The following AOPEP variants were observed in gnomAD, a reference collection of about 807,000 sequenced individuals.
AOPEP encodes aminopeptidase O (putative).
In AOPEP, 77 loss-of-function variants were observed where a neutral mutation model predicts 98.1. That is an observed-to-expected ratio of 0.78 (90% CI 0.65 to 0.95). The LOEUF is 0.95. AOPEP is among the 40% of genes least tolerant of loss of function. The pLI is 0.00. For missense variants in AOPEP, 1,024 were observed against 1,024.7 expected (o/e 1.00, Z 0.01); for synonymous variants, 346 against 365.3 (o/e 0.95, Z 0.60).
At chr9:94,996,790 G>A (rs904096985) in intron 11 of AOPEP, among the ~76,000 whole-genome samples, 1 of 152,202 alleles carries the variant, frequency 6.6e-6, no homozygotes, top group Non-Finnish European at 1.5e-5. Flanking sequence ...CAATATATGT[G>A]TGTGTGTTTT....
intron 7 of AOPEP, among the ~76,000 whole-genome samples, chr9:94,939,249 G>GAAA (rs34773746): frequency 8.1e-6 from 1 of 123,476 alleles, no homozygotes; most frequent in East Asian, 2.5e-4. Context: ...CTTCGTGTCA[G>GAAA]AAAAAAAAAA....
chr9:95,131,930 G>A, the AOPEP span, among the ~76,000 whole-genome samples: 20 of 152,208 alleles, frequency 1.3e-4, no homozygotes, highest in African/African-American at 4.8e-4. Flanking sequence ...CCATATTGAG[G>A]AGGATACTGA....
At chr9:94,752,432 A>G (rs1836033521) in intron 1 of AOPEP, among the ~76,000 whole-genome samples, 1 of 152,190 alleles carries the variant, frequency 6.6e-6, no homozygotes, top group Admixed American at 6.6e-5. Flanking sequence ...GTATCAGTAA[A>G]TGCATGCTAA....
At chr9:95,004,978 G>C (rs2061856981) in intron 11 of AOPEP, 180 bp from the exon 12 acceptor site, 1 of 149,764 alleles carries the variant, frequency 6.7e-6, no homozygotes, top group South Asian at 2.0e-4. Flanking sequence ...CCCGCCGCCC[G>C]CGCCGCGCCT....
the AOPEP span, among the ~76,000 whole-genome samples, chr9:95,108,766 G>A: frequency 9.2e-5 from 14 of 152,020 alleles, no homozygotes; most frequent in South Asian, 1.9e-3. Flanking sequence ...TTAATAATTC[G>A]GTTTATATAC....
At chr9:94,933,435 G>A (rs902659238) in intron 7 of AOPEP, 3 of 985,438 alleles carry the variant, frequency 3.0e-6, no homozygotes, top group Non-Finnish European at 2.4e-6. Flanking sequence ...TCAAGCTCCT[G>A]CTGAGGAAAA....
the AOPEP span, chr9:95,123,701 G>A: frequency 2.0e-5 from 14 of 683,538 alleles, no homozygotes; most frequent in South Asian, 1.6e-4. Context: ...CGTCTTTGAT[G>A]CCTATGTGCT....
intron 5 of AOPEP, chr9:94,809,825 T>C (rs1053984878): frequency 6.5e-6 from 1 of 154,058 alleles, no homozygotes; most frequent in Non-Finnish European, 1.5e-5. Context: ...GAAAGTAAAT[T>C]CTGTCACTTT....
At chr9:94,943,045 C>T (rs989090474) in intron 7 of AOPEP, among the ~76,000 whole-genome samples, 5 of 151,948 alleles carry the variant, frequency 3.3e-5, no homozygotes, top group Non-Finnish European at 7.4e-5. Flanking sequence ...TCTTCATGAT[C>T]TTGCATTAGG....
chr9:94,733,257 C>T (rs1398422102), intron 1 of AOPEP, among the ~76,000 whole-genome samples: 2 of 151,944 alleles, frequency 1.3e-5, no homozygotes. Context: ...CAGGTGCGCA[C>T]CACCATGCTC....
At chr9:94,748,390 T>C (rs7027708) in intron 1 of AOPEP, among the ~76,000 whole-genome samples, 63,947 of 152,026 alleles carry the variant, frequency 0.42, 13,807 homozygotes, top group East Asian at 0.51. Context: ...TGAAGCTTTA[T>C]ATCTCTCACC....
intron 1 of AOPEP, among the ~76,000 whole-genome samples, chr9:94,737,111 A>T (rs1240756401): frequency 9.5e-6 from 1 of 105,146 alleles, no homozygotes; most frequent in Non-Finnish European, 2.7e-5. Flanking sequence ...AAACATGGAG[A>T]TTTTTTTTAA....
chr9:95,128,629 A>C, the AOPEP span, among the ~76,000 whole-genome samples: 24 of 152,174 alleles, frequency 1.6e-4, no homozygotes, highest in African/African-American at 5.8e-4. Context: ...GTTAGAAGAG[A>C]GTGAGAGCTT....
intron 5 of AOPEP, among the ~76,000 whole-genome samples, chr9:94,921,647 T>C (rs779878420): frequency 2.0e-5 from 3 of 152,140 alleles, no homozygotes; most frequent in Non-Finnish European, 4.4e-5. Flanking sequence ...CCTTACTCCA[T>C]GTTTTTGGTT....
At chr9:95,077,060 G>C (rs577142387) in intron 14 of AOPEP, among the ~76,000 whole-genome samples, 30 of 152,284 alleles carry the variant, frequency 2.0e-4, no homozygotes, top group Admixed American at 1.7e-3. Context: ...GGGGAGGAGA[G>C]GGGGAGGGGA....
chr9:95,070,816 G>A (rs2068427541), intron 14 of AOPEP, among the ~76,000 whole-genome samples: 1 of 152,254 alleles, frequency 6.6e-6, no homozygotes, highest in Non-Finnish European at 1.5e-5. Flanking sequence ...GGCTGCAGAG[G>A]TGAACTAGGA....
intron 13 of AOPEP, among the ~76,000 whole-genome samples, chr9:95,044,593 G>T (rs1255922208): frequency 1.3e-5 from 2 of 152,208 alleles, no homozygotes; most frequent in Non-Finnish European, 2.9e-5. Context: ...TGAAAAACGT[G>T]ACCCCTTGAA....
At chr9:95,131,779 A>C in the AOPEP span, among the ~76,000 whole-genome samples, 3 of 152,202 alleles carry the variant, frequency 2.0e-5, no homozygotes, top group Non-Finnish European at 4.4e-5. Flanking sequence ...AATATCACCC[A>C]GGATGTAGAG....
At chr9:95,066,833 A>G (rs2067948334) in intron 14 of AOPEP, among the ~76,000 whole-genome samples, 1 of 152,168 alleles carries the variant, frequency 6.6e-6, no homozygotes, top group African/African-American at 2.4e-5. Context: ...TGTGTGTCCA[A>G]AGGCTTCTCG....
Sources: allele counts gnomAD v4.1 joint callset (sites outside exome capture counted in the v4.1 genomes callset), GRCh38; gene constraint gnomAD v4.1.1; transcripts MANE v1.5; gene names NCBI Gene and HGNC (gene_info 2026-07-23, HGNC 2026-07-21).